The following CTSZ variants were observed in gnomAD, a reference collection of about 807,000 sequenced individuals.
CTSZ encodes the protein carboxypeptidase LB.
CTSZ carries 39 observed loss-of-function variants against 32.4 expected under a neutral mutation model. The ratio of observed to expected loss-of-function variants is 1.20; its 90% CI spans 0.93 to 1.57. CTSZ has a LOEUF of 1.57. CTSZ is among the 40% of genes most tolerant of loss of function. The pLI is 0.00. For missense variants in CTSZ, 397 were observed against 419.6 expected, an observed-to-expected ratio of 0.95 and a Z score of 0.47; for synonymous variants, 168 against 170.1, an observed-to-expected ratio of 0.99 and a Z score of 0.10.
Position 58,997,390 on chromosome 20 carries a change from T to C in CTSZ, c.638+213A>G. ...GTGTTAACTCTGAGAAAACTGAAGT[T>C]CTTAGAGGGGAAATGATGTGGCTGT... On this transcript the variant is annotated intron_variant, in intron 4 of 5. Transcript: ENST00000217131. 3 of 418,578 alleles carry C rather than the reference T, an allele frequency of 7.2e-6. No individual in the cohort carries two copies. The South Asian group carries it at 1.7e-4, about 24-fold the overall frequency. 25.9% of individuals were successfully genotyped at this position (418,578 alleles called of 1,614,324 possible).
intron 4 of CTSZ, 40 bp from the exon 5 acceptor site, chr20:58,996,841 A>G: frequency 6.2e-7 from 1 of 1,601,404 alleles, no homozygotes; most frequent in South Asian, 1.1e-5. Flanking sequence ...TTTTAAATTG[A>G]GAGAATTTAC....
At chr20:59,005,736 C>T (rs1245237835) in intron 2 of CTSZ, among the ~76,000 whole-genome samples, 3 of 152,152 alleles carry the variant, frequency 2.0e-5, no homozygotes, top group Non-Finnish European at 4.4e-5. Context: ...GGCTGGTTTG[C>T]AGCTGTCCCT....
chr20:59,000,468 G>A (rs1189347068), intron 3 of CTSZ, among the ~76,000 whole-genome samples: 2 of 152,244 alleles, frequency 1.3e-5, no homozygotes, highest in Admixed American at 6.5e-5. Flanking sequence ...GGAGCAGCCT[G>A]AAAGGAATGT....
At chr20:58,996,184 C>G (rs894712773) in intron 5 of CTSZ, among the ~76,000 whole-genome samples, 1 of 152,206 alleles carries the variant, frequency 6.6e-6, no homozygotes, top group African/African-American at 2.4e-5. Flanking sequence ...GTTAATTTCT[C>G]TCTCCTGGAT....
intron 3 of CTSZ, 31 bp from the exon 4 acceptor site, chr20:58,997,784 G>T (rs2295357): frequency 0.17 from 264,149 of 1,559,374 alleles, 22,981 homozygotes; most frequent in Middle Eastern, 0.18. Context: ...TCAGCATGAG[G>T]CCGTCTCCTC....
rs1195875848 is a variant in CTSZ, at chr20:59,006,450, G to A, written c.179C>T (p.Ala60Val). ...CCAGTCCCAGCTCTTGGGCAGATCCGCTGGGGACAGGTACTCATGAGGCCG... is the reference window on the plus strand; with the variant it reads ...CCAGTCCCAGCTCTTGGGCAGATCCACTGGGGACAGGTACTCATGAGGCCG... Reference protein sequence around the residue: ...YPRPHEYLSPADLPKSWDWRN... With the variant: ...YPRPHEYLSPVDLPKSWDWRN... Residue 60 changes from alanine to valine, a missense_variant, in exon 2 of 6, where the codon GCG (alanine) becomes GTG (valine). Coordinates refer to ENST00000217131, the MANE Select transcript of CTSZ (RefSeq NM_001336.4). The A allele has an allele frequency of 2.5e-6, 4 of 1,613,810 alleles. No homozygotes were observed. Among genetic ancestry groups the A allele is most frequent in the African/African-American group, 2.7e-5 (2 of 75,072 alleles).
chr20:59,001,036 C>T (rs753501663), intron 3 of CTSZ, among the ~76,000 whole-genome samples: 4 of 152,064 alleles, frequency 2.6e-5, no homozygotes, highest in Non-Finnish European at 5.9e-5. Context: ...ACCGTGTTGG[C>T]CAGGCTGGTC....
At chr20:59,005,003 AC>A (rs934005552) in intron 2 of CTSZ, among the ~76,000 whole-genome samples, 38 of 151,878 alleles carry the variant, frequency 2.5e-4, no homozygotes, top group African/African-American at 9.2e-4. Context: ...GCACCTGTTG[AC>A]CTTTCTATTC....
At chr20:59,001,989 G>C (rs1370949776) in intron 2 of CTSZ, among the ~76,000 whole-genome samples, 1 of 152,258 alleles carries the variant, frequency 6.6e-6, no homozygotes, top group Non-Finnish European at 1.5e-5. Context: ...AATGGACAGA[G>C]ACTCAGCCAC....
chr20:58,997,463 G>T, intron 4 of CTSZ, 140 bp downstream of exon 4: 1 of 733,200 alleles, frequency 1.4e-6, no homozygotes, highest in East Asian at 3.2e-5. Context: ...GGCGAAGGAC[G>T]GAGATGCCTA....
chr20:59,006,865 C>T lies in CTSZ; in HGVS notation c.143+121G>A. ...AGAAGGAGCGACCCCCAAAACGAAG[C>T]GGCTGGATCTGACCTTCCAAGGCCT... On this transcript the variant is annotated intron_variant, in intron 1 of 5. Coordinates refer to ENST00000217131, the MANE Select transcript of CTSZ (RefSeq NM_001336.4). The T allele has an allele frequency of 3.9e-5, 34 of 866,996 alleles. 1 individual carries two copies. Among genetic ancestry groups the T allele is most frequent in the Non-Finnish European group, 5.1e-5 (32 of 625,568 alleles). 53.7% of individuals were successfully genotyped at this position (866,996 alleles called of 1,614,324 possible). A position where few individuals can be genotyped will look rare whatever the true frequency, so the allele number is the denominator to read the frequency against.
In CTSZ at chr20:58,998,158, C is replaced by A. The variant is rs980177253; in HGVS notation, c.488-405G>T. Among the ~76,000 whole-genome samples, 3 of 151,954 alleles carry A rather than the reference C, an allele frequency of 2.0e-5. No homozygotes were observed. In the South Asian group the frequency reaches 6.2e-4, roughly 31 times the overall value. On this transcript the variant is annotated intron_variant, in intron 3 of 5. Coordinates refer to ENST00000217131, the MANE Select transcript of CTSZ (RefSeq NM_001336.4). ...AGGCCAATACTTTGGGTAACAACAACCACAAAAAAGCATTTTCTTCTGTGC... is the reference window on the plus strand; with the variant it reads ...AGGCCAATACTTTGGGTAACAACAAACACAAAAAAGCATTTTCTTCTGTGC...
Position 59,007,142 on chromosome 20 carries a change from C to T in CTSZ, c.-14G>A. On this transcript the variant is annotated 5_prime_UTR_variant, in exon 1 of 6. Coordinates refer to ENST00000217131, the MANE Select transcript of CTSZ (RefSeq NM_001336.4). ...GCGCCTCGCCATGGCCCCGCGCCGGCTCCTGGGTCCCGCTCCGGATCCCGC... is the reference window on the plus strand; with the variant it reads ...GCGCCTCGCCATGGCCCCGCGCCGGTTCCTGGGTCCCGCTCCGGATCCCGC... The T allele has an allele frequency of 7.5e-7, 1 of 1,341,480 alleles. No homozygotes were observed. Among genetic ancestry groups the T allele is most frequent in the Non-Finnish European group, 9.5e-7 (1 of 1,054,664 alleles). 83.1% of individuals were successfully genotyped at this position (1,341,480 alleles called of 1,614,324 possible).
intron 4 of CTSZ, 22 bp downstream of exon 4, chr20:58,997,581 T>C (rs200612287): frequency 1.3e-6 from 2 of 1,522,338 alleles, no homozygotes; most frequent in East Asian, 4.8e-5. Context: ...AACCTCTCTT[T>C]GCCCGCGGGA....
intron 4 of CTSZ, 140 bp downstream of exon 4, chr20:58,997,463 G>A (rs928990212): frequency 1.4e-5 from 10 of 733,082 alleles, no homozygotes; most frequent in Admixed American, 3.9e-5. Flanking sequence ...GGCGAAGGAC[G>A]GAGATGCCTA....
In CTSZ at chr20:59,001,517, G is replaced by A; in HGVS notation, c.435C>T (p.His145=). The part of the protein sequence containing the change: ...GNDLSVWDYA[H]QHGIPDETCN... ...AGGTCTCGTCAGGGATGCCGTGCTG[G>A]TGGGCGTAGTCCCACACGGACAGGT... Residue 145 remains histidine (H), a synonymous_variant, in exon 3 of 6, where the codon CAC becomes CAT. Coordinates refer to ENST00000217131, the MANE Select transcript of CTSZ (RefSeq NM_001336.4). 1 of 1,614,130 alleles carries A rather than the reference G, an allele frequency of 6.2e-7. No individual in the cohort carries two copies. Among genetic ancestry groups the A allele is most frequent in the Non-Finnish European group, 8.5e-7 (1 of 1,179,942 alleles).
intron 2 of CTSZ, among the ~76,000 whole-genome samples, chr20:59,003,965 G>A (rs1183541098): frequency 3.3e-5 from 5 of 152,246 alleles, no homozygotes; most frequent in Non-Finnish European, 4.4e-5. Flanking sequence ...GAGGGCAGTC[G>A]GCAGTGGGGC....
Position 59,001,457 on chromosome 20 carries a change from C to T in CTSZ, c.487+8G>A, listed in dbSNP as rs767795041. On this transcript the variant is annotated splice_region_variant and intron_variant, in intron 3 of 5. Transcript: ENST00000217131. ...GAGGGTGGAGTGGGGGCACGGGCAG[C>T]AGCCTACCCTGGTCCTTGGCCTGGT... is the stretch of plus-strand genomic sequence containing the variant. 5.0e-6 allele frequency: 8 copies of T among 1,601,486 alleles called. No individual in the cohort carries two copies. The highest frequency in any genetic ancestry group is 6.8e-6 in the Non-Finnish European group (8 of 1,170,536).
intron 3 of CTSZ, among the ~76,000 whole-genome samples, chr20:58,997,955 C>T (rs1480039652): frequency 6.6e-6 from 1 of 152,124 alleles, no homozygotes; most frequent in Non-Finnish European, 1.5e-5. Flanking sequence ...TTCCCCAGGC[C>T]TTGGCAGAGA....
Sources: gnomAD v4.1 joint callset for allele counts (sites outside exome capture counted in the v4.1 genomes callset) on GRCh38, gnomAD v4.1.1 for gene constraint, MANE v1.5 for transcripts, NCBI Gene and HGNC (gene_info 2026-07-23, HGNC 2026-07-21) for gene names.